Variants in COL27A1 observed in about 807,000 individuals in gnomAD.
COL27A1 encodes collagen type XXVII alpha 1 chain.
Under a neutral mutation model 251.3 loss-of-function variants are expected in COL27A1, and 106 were observed. That is an observed-to-expected ratio of 0.42 (90% CI 0.36 to 0.50). The LOEUF (loss-of-function observed/expected upper bound fraction) is 0.50, where lower values mean the gene tolerates loss of function less well. Ranked by LOEUF, COL27A1 falls within the 20% of genes least tolerant of loss-of-function variation. COL27A1 has a pLI of 0.00. For synonymous variants in COL27A1, 1,000 were observed against 986.3 expected, an observed-to-expected ratio of 1.01 and a Z score of -0.26; for missense variants, 2,325 against 2,522.8, an observed-to-expected ratio of 0.92 and a Z score of 1.68.
chr9:114,187,520 C>T (rs1484598741), intron 5 of COL27A1, among the ~76,000 whole-genome samples: 2 of 152,256 alleles, frequency 1.3e-5, no homozygotes, highest in Non-Finnish European at 2.9e-5. Context: ...TGCCCAGTGT[C>T]ACATTTCTAG....
chr9:114,186,116 G>A (rs1828320193), intron 5 of COL27A1, among the ~76,000 whole-genome samples: 1 of 152,212 alleles, frequency 6.6e-6, no homozygotes, highest in Non-Finnish European at 1.5e-5. Flanking sequence ...GTCACAGCTG[G>A]CACAGGCCAG....
At chr9:114,220,042 C>G (rs1315580453) in intron 13 of COL27A1, among the ~76,000 whole-genome samples, 198 bp downstream of exon 13, 2 of 152,148 alleles carry the variant, frequency 1.3e-5, no homozygotes, top group Non-Finnish European at 2.9e-5. Context: ...CCGTCGCCCC[C>G]CTGTAAGAGT....
At chr9:114,221,571 C>G (rs1001017142) in intron 13 of COL27A1, among the ~76,000 whole-genome samples, 2 of 152,202 alleles carry the variant, frequency 1.3e-5, no homozygotes, top group Non-Finnish European at 2.9e-5. Context: ...ACCCTTCCAC[C>G]TGTCATTTCT....
intron 12 of COL27A1, among the ~76,000 whole-genome samples, chr9:114,213,627 C>A (rs1337279052): frequency 1.3e-5 from 2 of 152,168 alleles, no homozygotes; most frequent in Non-Finnish European, 2.9e-5. Flanking sequence ...CAGAAGAAGG[C>A]ATGGTTGCCA....
chr9:114,174,516 G>A (rs1849548191), intron 3 of COL27A1, among the ~76,000 whole-genome samples: 1 of 152,142 alleles, frequency 6.6e-6, no homozygotes, highest in African/African-American at 2.4e-5. Flanking sequence ...TCCCTTCTGT[G>A]CACTCTCTTC....
At position 114,290,962 on chromosome 9, in the gene COL27A1, C is replaced by A. The variant is rs1564577364; in HGVS notation, c.4476+45C>A. 2 of 1,421,242 alleles carry A rather than the reference C, an allele frequency of 1.4e-6. No homozygotes were observed. Among genetic ancestry groups the A allele is most frequent in the Non-Finnish European group, 1.9e-6 (2 of 1,036,416 alleles). The allele number at this position is 1,421,242 out of a possible 1,614,324, so 88.0% of individuals were successfully genotyped here. A position where few individuals can be genotyped will look rare whatever the true frequency, so the allele number is the denominator to read the frequency against. ...ACTTACCCACCCTCTGCCCTTTCTG[C>A]CTTGATGCAGACTCTAGTGGTTCCG... On this transcript the variant is annotated intron_variant, in intron 48 of 60. Transcript: ENST00000356083. The surrounding 1 kb of genome is among the most constrained non-coding windows in gnomAD (Gnocchi z 4.6).
chr9:114,156,022 A>G lies in COL27A1; in HGVS notation c.62+10A>G, dbSNP rs1250575310. On this transcript the variant is annotated intron_variant, in intron 1 of 60. Transcript: ENST00000356083. Reference sequence around the variant, plus strand: ...CGGCGGCGCGCGGGGGGTGAGTACGAACTCGGGGACGCCCCCTCCCTAGCT... The same window carrying G: ...CGGCGGCGCGCGGGGGGTGAGTACGGACTCGGGGACGCCCCCTCCCTAGCT... 1 of 1,297,528 alleles carries G rather than the reference A, an allele frequency of 7.7e-7. No homozygotes were observed. The highest frequency in any genetic ancestry group is 9.8e-7 in the Non-Finnish European group (1 of 1,019,236). 80.4% of individuals were successfully genotyped at this position (1,297,528 alleles called of 1,614,324 possible). A position where few individuals can be genotyped will look rare whatever the true frequency, so the allele number is the denominator to read the frequency against.
intron 5 of COL27A1, among the ~76,000 whole-genome samples, chr9:114,192,078 T>C (rs1372487563): frequency 6.6e-6 from 1 of 152,230 alleles, no homozygotes; most frequent in Non-Finnish European, 1.5e-5. Flanking sequence ...GCATTGCATC[T>C]TGAGCACTGT....
chr9:114,285,552 G>A (rs760528315), intron 41 of COL27A1, among the ~76,000 whole-genome samples: 56 of 152,074 alleles, frequency 3.7e-4, no homozygotes, highest in Non-Finnish European at 5.9e-4. Flanking sequence ...TCCCCAGCAC[G>A]CCTTTCTTTT....
At chr9:114,213,930 T>G (rs10120779) in intron 12 of COL27A1, among the ~76,000 whole-genome samples, 2,018 of 152,260 alleles carry the variant, frequency 0.013, 48 homozygotes, top group African/African-American at 0.045. Context: ...GGGTGTCAGA[T>G]GTGGGTGGAG....
chr9:114,179,577 T>TCAAA (rs1827729129), intron 4 of COL27A1, among the ~76,000 whole-genome samples: 1 of 152,230 alleles, frequency 6.6e-6, no homozygotes, highest in African/African-American at 2.4e-5. Context: ...CCGCAGTGGT[T>TCAAA]CCCCTGTCCC....
At chr9:114,161,687 G>A (rs1190039364) in intron 1 of COL27A1, among the ~76,000 whole-genome samples, 3 of 152,216 alleles carry the variant, frequency 2.0e-5, no homozygotes, top group African/African-American at 2.4e-5. Flanking sequence ...CCTGTGTCCC[G>A]CCTGTCTCTG....
intron 12 of COL27A1, chr9:114,218,407 T>A (rs1830855074): frequency 6.5e-6 from 1 of 153,114 alleles, no homozygotes; most frequent in African/African-American, 2.4e-5. Context: ...CGTGCATAGC[T>A]CATATGAACA....
At chr9:114,291,956 A>G (rs1029238081) in intron 48 of COL27A1, 147 bp from the exon 49 acceptor site, 14 of 713,604 alleles carry the variant, frequency 2.0e-5, no homozygotes, top group Non-Finnish European at 3.4e-5. Flanking sequence ...CCCCTACCCC[A>G]CCAGGCCTCC....
chr9:114,310,978 G>A lies in COL27A1; in HGVS notation c.*283G>A. The A allele has an allele frequency of 2.9e-6, 1 of 339,280 alleles. No individual in the cohort carries two copies. The highest frequency in any genetic ancestry group is 5.4e-6 in the Non-Finnish European group (1 of 184,656). The allele number at this position is 339,280 out of a possible 1,614,324, so 21.0% of individuals were successfully genotyped here. ...CTGAGCCCCGTGGCCTCTCAGCTCTGCGGCCACCCCGTTCCCTCCCCAGCT... is the reference window on the plus strand; with the variant it reads ...CTGAGCCCCGTGGCCTCTCAGCTCTACGGCCACCCCGTTCCCTCCCCAGCT... On this transcript the variant is annotated 3_prime_UTR_variant, in exon 61 of 61. Coordinates refer to ENST00000356083, the MANE Select transcript of COL27A1 (RefSeq NM_032888.4).
At chr9:114,242,266 T>C (rs1248530213) in intron 22 of COL27A1, 35 bp downstream of exon 22, 8 of 1,591,498 alleles carry the variant, frequency 5.0e-6, no homozygotes, top group African/African-American at 1.4e-5. Context: ...GTGGCATTCA[T>C]GGGAGCTGAG....
chr9:114,201,140 T>G (rs1306739287), intron 7 of COL27A1, among the ~76,000 whole-genome samples: 1 of 152,166 alleles, frequency 6.6e-6, no homozygotes, highest in African/African-American at 2.4e-5. Context: ...CGAGTTCTAT[T>G]ATAAACACAG....
At chr9:114,254,185 G>T (rs561783617) in intron 27 of COL27A1, among the ~76,000 whole-genome samples, 4 of 152,204 alleles carry the variant, frequency 2.6e-5, no homozygotes, top group African/African-American at 9.6e-5. Context: ...CACAAAGATG[G>T]GAAATGCTGG....
At chr9:114,294,106 G>A (rs901089833) in intron 49 of COL27A1, among the ~76,000 whole-genome samples, 14 of 151,398 alleles carry the variant, frequency 9.2e-5, no homozygotes, top group African/African-American at 3.2e-4. Flanking sequence ...AAATTAGCCA[G>A]GCGTGGTGGC....
Sources: gnomAD v4.1 joint callset for allele counts (sites outside exome capture counted in the v4.1 genomes callset) on GRCh38, gnomAD v4.1.1 for gene constraint, Gnocchi (gnomAD v3.1) non-coding constraint, MANE v1.5 for transcripts, NCBI Gene and HGNC (gene_info 2026-07-23, HGNC 2026-07-21) for gene names.